ADAMTS2: variants seen among roughly 807,000 people sequenced by gnomAD.
ADAMTS2 encodes the protein ADAM metallopeptidase with thrombospondin type 1 motif 2, also known as A disintegrin and metalloproteinase with thrombospondin motifs 2.
ADAMTS2 carries 50 observed loss-of-function variants against 123.0 expected under a neutral mutation model. The ratio of observed to expected loss-of-function variants is 0.41; its 90% confidence interval spans 0.32 to 0.51. The LOEUF (loss-of-function observed/expected upper bound fraction) is 0.51, where lower values mean the gene tolerates loss of function less well. Ranked by LOEUF, ADAMTS2 falls within the 20% of genes least tolerant of loss-of-function variation. The pLI, the probability that ADAMTS2 is intolerant of heterozygous loss-of-function variation, is 0.35. For missense variants in ADAMTS2, 1,494 were observed against 1,705.2 expected, an observed-to-expected ratio of 0.88 and a Z score of 2.18; for synonymous variants, 678 against 695.4, an observed-to-expected ratio of 0.98 and a Z score of 0.39.
chr5:179,164,687 G>A (rs556824779), intron 5 of ADAMTS2, among the ~76,000 whole-genome samples: 1 of 152,208 alleles, frequency 6.6e-6, no homozygotes, highest in Admixed American at 6.5e-5. Context: ...TCCCACTTCT[G>A]GGGGTGCAGC....
intron 4 of ADAMTS2, among the ~76,000 whole-genome samples, chr5:179,200,617 C>T (rs1222970496): frequency 1.3e-5 from 2 of 152,018 alleles, no homozygotes; most frequent in African/African-American, 4.8e-5. Flanking sequence ...GAACAGTCAG[C>T]GGTTGGTGAG....
In ADAMTS2 at chr5:179,122,736, G is replaced by C; in HGVS notation, c.2996C>G (p.Pro999Arg). 6.4e-7 allele frequency: 1 copy of C among 1,553,590 alleles called. No homozygotes were observed. Among genetic ancestry groups the C allele is most frequent in the African/African-American group, 1.4e-5 (1 of 73,330 alleles). Residue 999 changes from proline (P) to arginine (R), a missense_variant, in exon 20 of 22, where the codon CCA (proline) becomes CGA (arginine). Transcript: ENST00000251582. ...GTCGTCCGCGGTGCGGCAGAGCACT[G>C]GCCGCTCCTGGGTGCCGTTGCCACA... The part of the protein sequence containing the change: ...VTCGNGTQER[P>R]VLCRTADDSF...
intron 3 of ADAMTS2, among the ~76,000 whole-genome samples, chr5:179,212,938 G>C (rs77052912): frequency 6.6e-6 from 1 of 152,040 alleles, no homozygotes; most frequent in African/African-American, 2.4e-5. Flanking sequence ...TGCTGCTGCC[G>C]CTGTGCTGGC....
At chr5:179,171,221 C>T (rs1763808363) in intron 5 of ADAMTS2, among the ~76,000 whole-genome samples, 1 of 152,168 alleles carries the variant, frequency 6.6e-6, no homozygotes, top group Admixed American at 6.5e-5. Flanking sequence ...TTGAGGTGCA[C>T]TGTGTACTGC....
Position 179,202,009 on chromosome 5 carries a change from G to A in ADAMTS2, c.891+5504C>T, listed in dbSNP as rs570561959. On this transcript the variant is annotated intron_variant, in intron 4 of 21. Coordinates refer to ENST00000251582, the MANE Select transcript of ADAMTS2 (RefSeq NM_014244.5). This position sits in a 1 kb window ranked among gnomAD's most constrained non-coding sequence, Gnocchi z 4.0. ...TCATGAAGTGCTCCATTTCCAAGCC[G>A]CTTCCCTTCTGGCAAGTCTGAGATG... Among the ~76,000 whole-genome samples, 4 of 152,228 alleles carry A rather than the reference G, an allele frequency of 2.6e-5. No homozygotes were observed. The highest frequency in any genetic ancestry group is 2.1e-4 in the South Asian group (1 of 4,818).
At chr5:179,263,618 C>T (rs899260173) in intron 3 of ADAMTS2, among the ~76,000 whole-genome samples, 2 of 152,216 alleles carry the variant, frequency 1.3e-5, no homozygotes, top group African/African-American at 4.8e-5. Context: ...CAGCTGTGCT[C>T]GTGGCGCAGC....
chr5:179,292,541 A>C (rs1285068312), intron 2 of ADAMTS2, among the ~76,000 whole-genome samples: 5 of 151,958 alleles, frequency 3.3e-5, no homozygotes, highest in Non-Finnish European at 7.4e-5. Context: ...ATGTGGGCTC[A>C]TGAATCTTGT....
intron 18 of ADAMTS2, among the ~76,000 whole-genome samples, chr5:179,125,670 C>T (rs1258258676): frequency 6.6e-6 from 1 of 152,254 alleles, no homozygotes; most frequent in African/African-American, 2.4e-5. Context: ...GGCCCAGCCC[C>T]AGGGCCTGAA....
At chr5:179,232,637 C>T (rs182082993) in intron 3 of ADAMTS2, among the ~76,000 whole-genome samples, 42 of 152,182 alleles carry the variant, frequency 2.8e-4, no homozygotes, top group African/African-American at 9.9e-4. Flanking sequence ...TCTGTAAAGT[C>T]GGGTGACAAT....
At chr5:179,252,569 A>T (rs1285590027) in intron 3 of ADAMTS2, among the ~76,000 whole-genome samples, 1 of 152,052 alleles carries the variant, frequency 6.6e-6, no homozygotes, top group African/African-American at 2.4e-5. Context: ...TTTCCAAATA[A>T]TGGGGATTTT....
intron 2 of ADAMTS2, among the ~76,000 whole-genome samples, chr5:179,283,897 C>T (rs1755913073): frequency 6.7e-6 from 1 of 149,302 alleles, no homozygotes. Flanking sequence ...CTCAAAAAAA[C>T]CAAAACCTAA....
intron 5 of ADAMTS2, among the ~76,000 whole-genome samples, chr5:179,159,361 T>C (rs898255464): frequency 1.3e-5 from 2 of 152,184 alleles, no homozygotes; most frequent in African/African-American, 4.8e-5. Context: ...GATCACCTTA[T>C]ACGTTCCCCC....
chr5:179,323,583 T>A (rs1757241066), intron 2 of ADAMTS2, among the ~76,000 whole-genome samples: 1 of 152,232 alleles, frequency 6.6e-6, no homozygotes, highest in African/African-American at 2.4e-5. Flanking sequence ...AAGAGAACAC[T>A]TCAACTTCAT....
rs149777937 is a variant in ADAMTS2 at position 179,231,781 on chromosome 5, G to A, written c.689-24066C>T. Among the ~76,000 whole-genome samples the A allele has an allele frequency of 6.2e-3, 950 of 152,050 alleles. 8 individuals carry two copies. Among genetic ancestry groups the A allele is most frequent in the African/African-American group, 0.02 (840 of 41,488 alleles). On this transcript the variant is annotated intron_variant, in intron 3 of 21. Coordinates refer to ENST00000251582, the MANE Select transcript of ADAMTS2 (RefSeq NM_014244.5). ...GAATAGTGAAGTCAGCAGAGGCAGTGGCTCACCCCTGCAGTCTCAGCACTT... is the reference window on the plus strand; with the variant it reads ...GAATAGTGAAGTCAGCAGAGGCAGTAGCTCACCCCTGCAGTCTCAGCACTT...
At chr5:179,186,658 C>T (rs548600566) in intron 4 of ADAMTS2, among the ~76,000 whole-genome samples, 3 of 152,342 alleles carry the variant, frequency 2.0e-5, no homozygotes, top group South Asian at 2.1e-4. Flanking sequence ...AAGGACACAG[C>T]GGCAACATTT....
chr5:179,162,338 C>G lies in ADAMTS2; in HGVS notation c.976-3459G>C, dbSNP rs1396322461. Among the ~76,000 whole-genome samples, 2 of 152,146 alleles carry G rather than the reference C, an allele frequency of 1.3e-5. No individual in the cohort carries two copies. The highest frequency in any genetic ancestry group is 2.9e-5 in the Non-Finnish European group (2 of 68,012). ...GGGTGAACATACAACCAAAGCGGGC[C>G]AAGGAGTAGGCAAGGTGTGAGGTGG... On this transcript the variant is annotated intron_variant, in intron 5 of 21. Transcript: ENST00000251582. This position sits in a 1 kb window ranked among gnomAD's most constrained non-coding sequence, Gnocchi z 5.1.
At chr5:179,324,652 A>C (rs1343825022) in intron 2 of ADAMTS2, among the ~76,000 whole-genome samples, 1 of 152,156 alleles carries the variant, frequency 6.6e-6, no homozygotes, top group Non-Finnish European at 1.5e-5. Flanking sequence ...TGGCCTCCCA[A>C]AGTGCTGGGA....
intron 3 of ADAMTS2, among the ~76,000 whole-genome samples, 199 bp from the exon 4 acceptor site, chr5:179,207,914 A>G (rs1182714374): frequency 6.6e-6 from 1 of 152,154 alleles, no homozygotes; most frequent in Non-Finnish European, 1.5e-5. Flanking sequence ...AGCAGGGCCC[A>G]GACAGGCACC....
rs778993977 is a variant in ADAMTS2 at position 179,139,924 on chromosome 5, C to T, written c.1741G>A (p.Val581Met). The T allele has an allele frequency of 4.3e-6, 7 of 1,612,234 alleles. 1 individual carries two copies. The highest frequency in any genetic ancestry group is 2.2e-5 in the East Asian group (1 of 44,896). ...GSCSRTCGTG[V>M]KFRTRQCDNP... is the part of the protein sequence containing the mutation. Reference sequence around the variant, plus strand: ...TCACACTGGCGGGTCCTGAACTTCACGCCCGTGCCACAGGTACGTGAGCAG... The same window carrying T: ...TCACACTGGCGGGTCCTGAACTTCATGCCCGTGCCACAGGTACGTGAGCAG... Residue 581 changes from valine (V) to methionine (M), a missense_variant, in exon 11 of 22, where the codon GTG becomes ATG. Physicochemically the swap from Val to Met is conservative, Grantham distance 21 (BLOSUM62 1). Coordinates refer to ENST00000251582, the MANE Select transcript of ADAMTS2 (RefSeq NM_014244.5).
Sources: gnomAD v4.1 joint callset for allele counts (sites outside exome capture counted in the v4.1 genomes callset) on GRCh38, gnomAD v4.1.1 for gene constraint, Gnocchi (gnomAD v3.1) non-coding constraint, MANE v1.5 for transcripts, NCBI Gene and HGNC (gene_info 2026-07-23, HGNC 2026-07-21) for gene names.